NOC4L: variants seen among roughly 807,000 people sequenced by gnomAD.
The protein encoded by NOC4L is nucleolar complex protein 4 homolog.
A neutral mutation model predicts 62.8 loss-of-function variants in NOC4L; 40 were observed. The ratio of observed to expected loss-of-function variants is 0.64; its 90% CI spans 0.49 to 0.83. The LOEUF is 0.83. Among genes scored for constraint, NOC4L ranks in the 40% least tolerant of loss-of-function variants. The pLI is 0.00. For missense variants in NOC4L, 927 were observed against 701.9 expected, an observed-to-expected ratio of 1.32 and a Z score of -3.62; for synonymous variants, 433 against 299.8, an observed-to-expected ratio of 1.44 and a Z score of -4.59.
At chr12:132,144,764 C>A in intron 1 of NOC4L, 90 bp from the exon 2 acceptor site, 1 of 1,485,382 alleles carries the variant, frequency 6.7e-7, no homozygotes, top group East Asian at 2.4e-5. Context: ...GCTGGCGTCC[C>A]GAGGGGGAAG....
intron 1 of NOC4L, 24 bp downstream of exon 1, chr12:132,144,629 C>A (rs1343530569): frequency 6.8e-7 from 1 of 1,481,160 alleles, no homozygotes; most frequent in Non-Finnish European, 8.9e-7. Flanking sequence ...CGTCGCAGGG[C>A]CGGAGTCGCG....
In NOC4L at chr12:132,144,864, A is replaced by G. The variant is rs754720974; in HGVS notation, c.128A>G (p.Gln43Arg). 3 of 1,601,558 alleles carry G rather than the reference A, an allele frequency of 1.9e-6. No homozygotes were observed. Among genetic ancestry groups the G allele is most frequent in the Non-Finnish European group, 2.6e-6 (3 of 1,175,886 alleles). Reference sequence around the variant, plus strand: ...CCGCCTCTCCTGCAGTCTGAGGACCAGGAGGAGATCCAGGAAGCAGTCCGC... The same window carrying G: ...CCGCCTCTCCTGCAGTCTGAGGACCGGGAGGAGATCCAGGAAGCAGTCCGC... ...DILAVLQSEDQEEIQEAVRTC... is the reference protein window; with the variant it reads ...DILAVLQSEDREEIQEAVRTC... Residue 43 changes from glutamine (Q) to arginine (R), a missense_variant, in exon 2 of 15, where the codon CAG (glutamine) becomes CGG (arginine). Transcript: ENST00000330579.
chr12:132,145,212 T>C (rs2136684685), intron 2 of NOC4L, among the ~76,000 whole-genome samples: 1 of 152,330 alleles, frequency 6.6e-6, no homozygotes, highest in African/African-American at 2.4e-5. Flanking sequence ...TTTGCACCCC[T>C]TTTGTAATTT....
chr12:132,151,773 G>A lies in NOC4L; in HGVS notation c.1270G>A (p.Asp424Asn), dbSNP rs775431420. 4 of 1,612,268 alleles carry A rather than the reference G, an allele frequency of 2.5e-6. No individual in the cohort carries two copies. The African/African-American group carries it at 5.3e-5, about 22-fold the overall frequency. The change falls in exon 13 of 15, where the codon GAC becomes AAC. Residue 424 changes from aspartate (D) to asparagine (N), a missense_variant. Coordinates refer to ENST00000330579, the MANE Select transcript of NOC4L (RefSeq NM_024078.3). ...DADPYDPGEEDPAQSRALESS... is the reference protein window; with the variant it reads ...DADPYDPGEENPAQSRALESS... ...CGACCCCTACGACCCTGGAGAGGAG[G>A]ACCCAGCCCAGAGCCGGGCCTTGGA...
At chr12:132,145,835 C>T (rs1031643903) in intron 3 of NOC4L, among the ~76,000 whole-genome samples, 170 bp downstream of exon 3, 1 of 152,200 alleles carries the variant, frequency 6.6e-6, no homozygotes, top group African/African-American at 2.4e-5. Flanking sequence ...GCTATCGAGT[C>T]CTGTAGTGAA....
intron 9 of NOC4L, 121 bp downstream of exon 9, chr12:132,149,016 C>T: frequency 5.8e-6 from 1 of 173,832 alleles, no homozygotes; most frequent in Non-Finnish European, 1.1e-5. Flanking sequence ...TACCACACCC[C>T]TAATCCCCTC....
rs1829420843 is a variant in NOC4L, at chr12:132,147,990, TGA to T, written c.703+15_703+16del. The T allele has an allele frequency of 6.2e-7, 1 of 1,611,942 alleles. No homozygotes were observed. The highest frequency in any genetic ancestry group is 1.7e-5 in the Admixed American group (1 of 59,874). ...ATGTGAAGCGGGCGGGTGAGTGTGC[TGA>T]GAGTCAGGGGCGGACAGGGCTGAGC... On this transcript the variant is annotated intron_variant, in intron 6 of 14. Coordinates refer to ENST00000330579, the MANE Select transcript of NOC4L (RefSeq NM_024078.3).
At chr12:132,151,431 G>T in intron 11 of NOC4L, 53 bp from the exon 12 acceptor site, 1 of 1,601,210 alleles carries the variant, frequency 6.2e-7, no homozygotes, top group Admixed American at 1.7e-5. Context: ...GCCAGGGGAG[G>T]GTGGTGGGGG....
rs1230921176 is a variant in NOC4L, at chr12:132,148,523, G to A, written c.739-86G>A. On this transcript the variant is annotated intron_variant, in intron 7 of 14. Coordinates refer to ENST00000330579, the MANE Select transcript of NOC4L (RefSeq NM_024078.3). The stretch of plus-strand genomic sequence containing the variant: ...TGGAGAGCAGGCTTGTGTTGGCTCA[G>A]GCTGGGCTTCGGGGTGCCCTGGCAG... The A allele has an allele frequency of 2.5e-5, 36 of 1,448,772 alleles. 1 individual carries two copies. The highest frequency in any genetic ancestry group is 3.2e-5 in the Non-Finnish European group (34 of 1,058,728). The allele number at this position is 1,448,772 out of a possible 1,614,324, so 89.7% of individuals were successfully genotyped here. A position where few individuals can be genotyped will look rare whatever the true frequency, so the allele number is the denominator to read the frequency against.
intron 10 of NOC4L, 92 bp from the exon 11 acceptor site, chr12:132,151,166 C>A (rs540301981): frequency 7.0e-7 from 1 of 1,422,772 alleles, no homozygotes; most frequent in Non-Finnish European, 9.9e-7. Flanking sequence ...AGTCCCTGGG[C>A]GGGAGGAAGG....
intron 12 of NOC4L, 21 bp from the exon 13 acceptor site, chr12:132,151,717 G>A (rs1055213204): frequency 6.2e-7 from 1 of 1,612,358 alleles, no homozygotes; most frequent in Non-Finnish European, 8.5e-7. Flanking sequence ...CGGCAGACAA[G>A]GGCCCACGTC....
intron 8 of NOC4L, 60 bp downstream of exon 8, chr12:132,148,719 C>T (rs1897822016): frequency 1.6e-5 from 21 of 1,320,548 alleles, no homozygotes; most frequent in South Asian, 2.7e-5. Context: ...AGGGCGGAGG[C>T]CTCACCCCGA....
chr12:132,147,343 G>A lies in NOC4L; in HGVS notation c.408G>A (p.Lys136=), dbSNP rs752969978. 2 of 1,597,432 alleles carry A rather than the reference G, an allele frequency of 1.3e-6. No individual in the cohort carries two copies. Among genetic ancestry groups the A allele is most frequent in the South Asian group, 1.1e-5 (1 of 88,540 alleles). ...TGGAAGGAGCGCACCCCCTGGAGAAGTCCAAGTGGGAAGGCAACTACCTGT... is the reference window on the plus strand; with the variant it reads ...TGGAAGGAGCGCACCCCCTGGAGAAATCCAAGTGGGAAGGCAACTACCTGT... ...VQLEGAHPLE[K]SKWEGNYLFP... is the part of the protein sequence containing the mutation. Residue 136 remains lysine (K), a synonymous_variant, in exon 4 of 15, where the codon AAG becomes AAA. Coordinates refer to ENST00000330579, the MANE Select transcript of NOC4L (RefSeq NM_024078.3).
chr12:132,147,456 T>G (rs954184661), intron 4 of NOC4L, 68 bp downstream of exon 4: 53 of 1,470,968 alleles, frequency 3.6e-5, no homozygotes, highest in Non-Finnish European at 4.7e-5. Context: ...GGCCCCGTAG[T>G]GGGGGCGGGG....
At chr12:132,150,816 C>G (rs1449826115) in intron 9 of NOC4L, 165 bp from the exon 10 acceptor site, 1 of 625,632 alleles carries the variant, frequency 1.6e-6, no homozygotes. Context: ...CCTCCACCCC[C>G]CACTCCCCTG....
rs760825384 is a variant in NOC4L at position 132,147,397 on chromosome 12, C to T, written c.453+9C>T. ...CCCGAGAGCTCTTCAAGGTGAGGGCCTTGCTGGGGACTCCCAGAGGGCCTG... is the reference window on the plus strand; with the variant it reads ...CCCGAGAGCTCTTCAAGGTGAGGGCTTTGCTGGGGACTCCCAGAGGGCCTG... On this transcript the variant is annotated intron_variant, in intron 4 of 14. Transcript: ENST00000330579. 2.5e-6 allele frequency: 4 copies of T among 1,573,208 alleles called. No homozygotes were observed. The highest frequency in any genetic ancestry group is 3.5e-6 in the Non-Finnish European group (4 of 1,157,754).
intron 10 of NOC4L, 77 bp from the exon 11 acceptor site, chr12:132,151,181 C>T: frequency 6.9e-7 from 1 of 1,443,772 alleles, no homozygotes. Context: ...GGAAGGGGCG[C>T]CGAGTGAGAC....
chr12:132,144,726 G>T, intron 1 of NOC4L, 121 bp downstream of exon 1: 2 of 1,456,676 alleles, frequency 1.4e-6, no homozygotes, highest in Non-Finnish European at 1.8e-6. Flanking sequence ...GGTGGGAGGC[G>T]TGTGGGTCAC....
rs975111088 is a variant in NOC4L, at chr12:132,148,792, C to T, written c.798C>T (p.Leu266=). The T allele has an allele frequency of 5.0e-6, 8 of 1,588,416 alleles. No homozygotes were observed. Among genetic ancestry groups the T allele is most frequent in the African/African-American group, 1.4e-5 (1 of 73,918 alleles). The change falls in exon 9 of 15, where the codon CTC becomes CTT. Residue 266 remains leucine, a synonymous_variant. Coordinates refer to ENST00000330579, the MANE Select transcript of NOC4L (RefSeq NM_024078.3). ...WLSFLKHKLP[L]SLYKKVLLIV... ...TGCCGGCCCCCGCCCAGCTGCCCCT[C>T]AGCCTCTACAAGAAGGTGCTGCTGA...
Sources: allele counts gnomAD v4.1 joint callset (sites outside exome capture counted in the v4.1 genomes callset), GRCh38; gene constraint gnomAD v4.1.1; transcripts MANE v1.5; gene names NCBI Gene and HGNC (gene_info 2026-07-23, HGNC 2026-07-21).